RALGPS1: variants seen among roughly 807,000 people sequenced by gnomAD.
RALGPS1 encodes the protein ras-specific guanine nucleotide-releasing factor RalGPS1.
Under a neutral mutation model 78.8 loss-of-function variants are expected in RALGPS1, and 19 were observed. The ratio of observed to expected loss-of-function variants is 0.24; its 90% CI spans 0.17 to 0.35. The LOEUF (loss-of-function observed/expected upper bound fraction) is 0.35, where lower values mean the gene tolerates loss of function less well. Among genes scored for constraint, RALGPS1 ranks in the 10% least tolerant of loss-of-function variants. RALGPS1 has a pLI of 1.00. For synonymous variants in RALGPS1, 228 were observed against 256.3 expected (o/e 0.89, Z 1.06); for missense variants, 454 against 688.3 (o/e 0.66, Z 3.81).
chr9:127,082,947 A>C (rs961789921), intron 8 of RALGPS1, among the ~76,000 whole-genome samples: 16 of 152,190 alleles, frequency 1.1e-4, no homozygotes, highest in African/African-American at 3.9e-4. Context: ...GAAGAGGCCC[A>C]TCTGGGCACA....
intron 11 of RALGPS1, chr9:127,178,330 C>T (rs2060003891): frequency 1.8e-5 from 9 of 504,424 alleles, no homozygotes; most frequent in Non-Finnish European, 2.3e-5. Flanking sequence ...GTGGGCAGGG[C>T]AAAAAATGCA....
intron 11 of RALGPS1, among the ~76,000 whole-genome samples, chr9:127,176,005 C>T (rs1339123200): frequency 6.6e-6 from 1 of 152,142 alleles, no homozygotes; most frequent in Non-Finnish European, 1.5e-5. Flanking sequence ...TGCCCTGATT[C>T]CCAGGGGGGA....
chr9:127,120,721 G>A (rs1413463362), intron 8 of RALGPS1, among the ~76,000 whole-genome samples: 7 of 152,074 alleles, frequency 4.6e-5, no homozygotes, highest in Admixed American at 2.0e-4. Context: ...CCAGCTACTC[G>A]GGAGGCTGAG....
At chr9:126,986,676 G>A (rs923621294) in intron 4 of RALGPS1, among the ~76,000 whole-genome samples, 6 of 152,198 alleles carry the variant, frequency 3.9e-5, no homozygotes, top group African/African-American at 1.4e-4. Context: ...CAGCATCAAG[G>A]GGAAACTGCT....
intron 7 of RALGPS1, among the ~76,000 whole-genome samples, chr9:127,067,355 C>G (rs1385683933): frequency 1.3e-5 from 2 of 152,232 alleles, no homozygotes; most frequent in African/African-American, 4.8e-5. Context: ...GCATATTCTT[C>G]TGCCTCTCCT....
chr9:127,000,542 T>C (rs2043197971), intron 4 of RALGPS1, among the ~76,000 whole-genome samples: 1 of 115,562 alleles, frequency 8.7e-6, no homozygotes, highest in Non-Finnish European at 1.8e-5. Flanking sequence ...GTCTTTTTTT[T>C]TTTTTTTTTT....
chr9:127,107,770 C>G (rs2054361180), intron 8 of RALGPS1: 1 of 782,696 alleles, frequency 1.3e-6, no homozygotes, highest in Admixed American at 3.4e-5. Context: ...TCCAGCAGCT[C>G]AGCCCAAGGG....
At chr9:127,177,774 T>C in intron 11 of RALGPS1, 1 of 1,526,574 alleles carries the variant, frequency 6.6e-7, no homozygotes, top group Non-Finnish European at 8.8e-7. Flanking sequence ...TGGCCTCCTT[T>C]GACCCCTGAC....
intron 2 of RALGPS1, among the ~76,000 whole-genome samples, chr9:126,963,791 ACTCTCGAGCCGGTG>A (rs2039161869): frequency 6.6e-6 from 1 of 152,098 alleles, no homozygotes; most frequent in Non-Finnish European, 1.5e-5. Flanking sequence ...GGCCTCCCTG[ACTCTCGAGCCGGTG>A]CTCCTAACCA....
intron 4 of RALGPS1, among the ~76,000 whole-genome samples, chr9:126,991,766 G>T (rs957496691): frequency 6.6e-6 from 1 of 152,184 alleles, no homozygotes; most frequent in African/African-American, 2.4e-5. Context: ...TGTTATGATG[G>T]TTAAGAAGAT....
intron 11 of RALGPS1, among the ~76,000 whole-genome samples, chr9:127,177,682 A>G (rs1369583461): frequency 1.3e-5 from 2 of 152,186 alleles, no homozygotes; most frequent in Non-Finnish European, 2.9e-5. Context: ...CCAGGCTTAG[A>G]AAACTAAAAG....
chr9:127,140,341 T>C (rs1181906694), intron 8 of RALGPS1, among the ~76,000 whole-genome samples: 1 of 152,178 alleles, frequency 6.6e-6, no homozygotes, highest in Non-Finnish European at 1.5e-5. Flanking sequence ...TTGTGTAAAA[T>C]GATAGCTCTG....
At chr9:126,915,853 TG>T (rs35109233) in intron 1 of RALGPS1, among the ~76,000 whole-genome samples, 110,249 of 151,884 alleles carry the variant, frequency 0.73, 40,241 homozygotes, top group East Asian at 0.82. Context: ...GTATGAGGCT[TG>T]GGAGGGGTCC....
At chr9:126,963,964 T>C (rs2039184802) in intron 2 of RALGPS1, among the ~76,000 whole-genome samples, 2 of 152,248 alleles carry the variant, frequency 1.3e-5, no homozygotes, top group Admixed American at 1.3e-4. Flanking sequence ...AGACTGCCGA[T>C]TCCAGCAGCA....
At chr9:126,994,231 G>A (rs1255742301) in intron 4 of RALGPS1, among the ~76,000 whole-genome samples, 3 of 151,970 alleles carry the variant, frequency 2.0e-5, no homozygotes, top group Non-Finnish European at 4.4e-5. Context: ...AAACTACCCC[G>A]AGCTACAGGA....
Position 127,210,775 on chromosome 9 carries a change from A to G in RALGPS1, c.1248-1356A>G, listed in dbSNP as rs1219387217. On this transcript the variant is annotated intron_variant, in intron 14 of 18. Coordinates refer to ENST00000259351, the MANE Select transcript of RALGPS1 (RefSeq NM_014636.3). ...TCTCCCAGAACCCGGAGCTGTGTCT[A>G]CAGGTATTCATGTGTTCATGTGTTC... is the stretch of plus-strand genomic sequence containing the variant. 9 of 1,549,444 alleles carry G rather than the reference A, an allele frequency of 5.8e-6. No homozygotes were observed. The Admixed American group carries it at 9.8e-5, about 17-fold the overall frequency.
intron 8 of RALGPS1, chr9:127,088,871 T>G: frequency 6.3e-7 from 1 of 1,580,670 alleles, no homozygotes; most frequent in Non-Finnish European, 8.7e-7. Context: ...TTGTTCTTTG[T>G]GCTGTGGCCA....
chr9:127,095,024 C>T (rs533627943), intron 8 of RALGPS1, among the ~76,000 whole-genome samples: 3 of 152,330 alleles, frequency 2.0e-5, no homozygotes, highest in Non-Finnish European at 4.4e-5. Context: ...TCTGAGGAAG[C>T]TTTAGAAGGT....
intron 8 of RALGPS1, among the ~76,000 whole-genome samples, chr9:127,151,550 A>G (rs1378422316): frequency 6.6e-6 from 1 of 152,236 alleles, no homozygotes; most frequent in Non-Finnish European, 1.5e-5. Context: ...GTATAATTCA[A>G]TTACAGCGGA....
Sources: gnomAD v4.1 joint callset for allele counts (sites outside exome capture counted in the v4.1 genomes callset) on GRCh38, gnomAD v4.1.1 for gene constraint, MANE v1.5 for transcripts, NCBI Gene and HGNC (gene_info 2026-07-23, HGNC 2026-07-21) for gene names.